The following IL23R variants were observed in gnomAD, a reference collection of about 807,000 sequenced individuals.
IL23R encodes interleukin 23 receptor, also known as interleukin-23 receptor.
Under a neutral mutation model 56.9 loss-of-function variants are expected in IL23R, and 34 were observed. The observed-to-expected ratio is 0.60, with a 90% CI of 0.45 to 0.80. The LOEUF (loss-of-function observed/expected upper bound fraction) is 0.80. IL23R is among the 30% of genes least tolerant of loss of function. IL23R has a pLI of 0.00. For missense variants in IL23R, 635 were observed against 730.0 expected (o/e 0.87, Z 1.50); for synonymous variants, 230 against 249.2 (o/e 0.92, Z 0.73).
chr1:67,188,621 G>A (rs558964091), intron 4 of IL23R, among the ~76,000 whole-genome samples: 5 of 152,216 alleles, frequency 3.3e-5, no homozygotes, highest in Non-Finnish European at 7.3e-5. Context: ...AGGTGACTAT[G>A]ACAAAGCACC....
intron 7 of IL23R, among the ~76,000 whole-genome samples, chr1:67,225,560 A>ATCT (rs1650558143): frequency 6.7e-6 from 1 of 148,294 alleles, no homozygotes; most frequent in African/African-American, 2.5e-5. Context: ...CACCCAGGCT[A>ATCT]GAGTGTAGTG....
intron 2 of IL23R, 80 bp from the exon 3 acceptor site, chr1:67,169,262 T>C: frequency 1.3e-5 from 14 of 1,096,788 alleles, no homozygotes; most frequent in Non-Finnish European, 1.9e-5. Flanking sequence ...ATGATAAATT[T>C]AAAATGCAAT....
intron 7 of IL23R, among the ~76,000 whole-genome samples, chr1:67,234,874 A>C (rs966405876): frequency 6.6e-5 from 10 of 151,776 alleles, no homozygotes; most frequent in Admixed American, 1.3e-4. Flanking sequence ...TGCCTGGCTA[A>C]TTTTTGTATT....
chr1:67,216,374 T>C (rs886135068), intron 6 of IL23R, among the ~76,000 whole-genome samples: 2 of 152,220 alleles, frequency 1.3e-5, no homozygotes. Flanking sequence ...TGTCCAACTT[T>C]AGTGACAGAG....
intron 4 of IL23R, among the ~76,000 whole-genome samples, chr1:67,186,305 T>G (rs764680804): frequency 6.6e-6 from 1 of 152,226 alleles, no homozygotes; most frequent in Non-Finnish European, 1.5e-5. Context: ...ATCCTGGTTG[T>G]TTGGTTAATT....
chr1:67,160,689 C>CT (rs1431779049), intron 1 of IL23R, among the ~76,000 whole-genome samples: 5 of 151,738 alleles, frequency 3.3e-5, no homozygotes, highest in Admixed American at 6.6e-5. Flanking sequence ...TTTTGTTCCC[C>CT]TTTTTTTTAA....
At chr1:67,229,859 C>T (rs1254577703) in intron 7 of IL23R, among the ~76,000 whole-genome samples, 1 of 152,238 alleles carries the variant, frequency 6.6e-6, no homozygotes, top group Admixed American at 6.5e-5. Flanking sequence ...ACCTCCCCAA[C>T]CACTACCACC....
At chr1:67,218,788 G>A (rs1489124711) in intron 6 of IL23R, among the ~76,000 whole-genome samples, 1 of 151,812 alleles carries the variant, frequency 6.6e-6, no homozygotes, top group Non-Finnish European at 1.5e-5. Context: ...TCATGGTAGT[G>A]CATGCCTGTA....
At chr1:67,223,655 A>G (rs1387644356) in intron 7 of IL23R, among the ~76,000 whole-genome samples, 1 of 152,080 alleles carries the variant, frequency 6.6e-6, no homozygotes. Context: ...AGTTTTTCCT[A>G]TGCATTTTTT....
At chr1:67,141,691 G>A (rs1325772757) in intron 1 of IL23R, among the ~76,000 whole-genome samples, 1 of 152,034 alleles carries the variant, frequency 6.6e-6, no homozygotes, top group Non-Finnish European at 1.5e-5. Flanking sequence ...CCTGGAGGTT[G>A]AGGCTGCAGT....
intron 7 of IL23R, among the ~76,000 whole-genome samples, chr1:67,225,256 G>C (rs1650536281): frequency 6.6e-6 from 1 of 152,222 alleles, no homozygotes; most frequent in Non-Finnish European, 1.5e-5. Context: ...TGCTACTTTG[G>C]CTTGAATACA....
At position 67,228,004 on chromosome 1, in the gene IL23R, T is replaced by TTC. The variant is rs1312604097; in HGVS notation, c.955+8276_955+8277dup. On this transcript the variant is annotated intron_variant, in intron 7 of 10. Coordinates refer to ENST00000347310, the MANE Select transcript of IL23R (RefSeq NM_144701.3). ...TTTCTTTCTTTCTTTCTTTCTTTCTTTCTTTCTTTCTTTCTTCCTTTCTTT... is the reference window on the plus strand; with the variant it reads ...TTTCTTTCTTTCTTTCTTTCTTTCTTTCTCTTTCTTTCTTTCTTCCTTTCTTT... Among the ~76,000 whole-genome samples, 86 of 112,744 alleles carry TTC rather than the reference T, an allele frequency of 7.6e-4. 6 individuals are homozygous for TTC. The highest frequency in any genetic ancestry group is 3.0e-3 in the African/African-American group (80 of 26,514). 74.0% of individuals were successfully genotyped at this position (112,744 alleles called of 152,430 possible).
chr1:67,230,254 G>T (rs968191364), intron 7 of IL23R, among the ~76,000 whole-genome samples: 1 of 152,216 alleles, frequency 6.6e-6, no homozygotes, highest in Non-Finnish European at 1.5e-5. Flanking sequence ...TAGGCCATTT[G>T]CTTGTAGCCC....
At chr1:67,162,219 A>T (rs1395954755), upstream of IL23R, among the ~76,000 whole-genome samples, 1 of 151,860 alleles carries the variant, frequency 6.6e-6, no homozygotes, top group Non-Finnish European at 1.5e-5. Context: ...TAATCCCAGC[A>T]CTTTGGGAGG....
At chr1:67,165,181 C>A (rs1450315280), upstream of IL23R, among the ~76,000 whole-genome samples, 1 of 152,158 alleles carries the variant, frequency 6.6e-6, no homozygotes, top group Admixed American at 6.5e-5. Context: ...TGCACTCCAG[C>A]CTGTGTGACA....
At chr1:67,202,920 CAA>C (rs1211488600) in intron 5 of IL23R, among the ~76,000 whole-genome samples, 3 of 152,124 alleles carry the variant, frequency 2.0e-5, no homozygotes. Context: ...TGATGATGGA[CAA>C]TTATTCCATT....
intron 7 of IL23R, among the ~76,000 whole-genome samples, chr1:67,226,029 C>A (rs1650593700): frequency 6.6e-6 from 1 of 152,218 alleles, no homozygotes; most frequent in Admixed American, 6.5e-5. Context: ...AGTTCCCTGA[C>A]TCCTGTCGCA....
Position 67,200,720 on chromosome 1 carries a change from T to C in IL23R, c.492-17T>C, listed in dbSNP as rs779240654. Reference sequence around the variant, plus strand: ...AACTAAATACAATTTATGATCATCTTTTTTTTTTGTTTTAAGTTTAGAGAC... The same window carrying C: ...AACTAAATACAATTTATGATCATCTCTTTTTTTTGTTTTAAGTTTAGAGAC... On this transcript the variant is annotated splice_polypyrimidine_tract_variant and intron_variant, in intron 4 of 10. Transcript: ENST00000347310. 2.9e-5 allele frequency: 47 copies of C among 1,594,088 alleles called. No homozygotes were observed. Among genetic ancestry groups the C allele is most frequent in the Non-Finnish European group, 3.9e-5 (45 of 1,164,886 alleles).
chr1:67,164,886 A>G (rs1007729755), upstream of IL23R, among the ~76,000 whole-genome samples: 13 of 152,134 alleles, frequency 8.5e-5, no homozygotes, highest in African/African-American at 3.1e-4. Flanking sequence ...GGTACTCAAC[A>G]TTACTGATTA....
Sources: gnomAD v4.1 joint callset for allele counts (sites outside exome capture counted in the v4.1 genomes callset) on GRCh38, gnomAD v4.1.1 for gene constraint, MANE v1.5 for transcripts, NCBI Gene and HGNC (gene_info 2026-07-23, HGNC 2026-07-21) for gene names.